Variants in IGSF1 observed in about 807,000 individuals in gnomAD.
IGSF1 encodes the protein immunoglobulin superfamily member 1.
A neutral mutation model predicts 95.3 loss-of-function variants in IGSF1; 40 were observed. The observed-to-expected ratio is 0.42, with a 90% CI of 0.33 to 0.55. IGSF1 has a LOEUF of 0.55. Ranked by LOEUF, IGSF1 falls within the 20% of genes least tolerant of loss-of-function variation. The pLI is 0.10. For synonymous variants in IGSF1, 372 were observed against 382.9 expected, an observed-to-expected ratio of 0.97 and a Z score of 0.33; for missense variants, 906 against 1,025.4, an observed-to-expected ratio of 0.88 and a Z score of 1.59.
upstream of IGSF1, chrX:131,289,389 G>A (rs1218369751): frequency 5.7e-6 from 2 of 351,915 alleles, no homozygotes; most frequent in Admixed American, 5.3e-5. Context: ...TCCCTGCGCC[G>A]GGCTCGGGGA....
chrX:131,278,550 G>A lies in IGSF1; in HGVS notation c.1952C>T (p.Thr651Ile), dbSNP rs759498373. 3.3e-6 allele frequency: 4 copies of A among 1,211,275 alleles called. No homozygotes were observed. Among genetic ancestry groups the A allele is most frequent in the Admixed American group, 4.3e-5 (2 of 46,103 alleles). ...GTGGTAGCTCCCGGTGTGGCTCTGGGTCAGGGCGCCAAGGGGGAAGGCAGC... is the reference window on the plus strand; with the variant it reads ...GTGGTAGCTCCCGGTGTGGCTCTGGATCAGGGCGCCAAGGGGGAAGGCAGC... ...VRAAFPLGAL[T>I]QSHTGSYHCH... The change falls in exon 12 of 20, where the codon ACC becomes ATC. Residue 651 changes from threonine to isoleucine, a missense_variant. Physicochemically the swap from Thr to Ile is moderately conservative, Grantham distance 89. Transcript: ENST00000361420.
chrX:131,288,269 C>T (rs1276783030), intron 1 of IGSF1, among the ~76,000 whole-genome samples: 1 of 112,165 alleles, frequency 8.9e-6, no homozygotes, highest in African/African-American at 3.2e-5. Flanking sequence ...ACATAGTGAA[C>T]ATTACATTTT....
At position 131,275,163 on chromosome X, in the gene IGSF1, GCCCCC is replaced by G; in HGVS notation, c.3303_3307del (p.Glu1101AspfsTer16). The stretch of plus-strand genomic sequence containing the variant: ...CCTCTGTTGCTCTAAAGGCTCCTGA[GCCCCC>G]TCCTTCAACAGGACAAATGTTGAGT... On this transcript the variant is annotated frameshift_variant, in exon 17 of 20. Coordinates refer to ENST00000361420, the MANE Select transcript of IGSF1 (RefSeq NM_001555.5). The G allele has an allele frequency of 8.3e-7, 1 of 1,211,714 alleles. No individual in the cohort carries two copies.
intron 3 of IGSF1, among the ~76,000 whole-genome samples, 166 bp downstream of exon 3, chrX:131,286,271 C>G (rs1298401420): frequency 9.0e-6 from 1 of 111,211 alleles, no homozygotes; most frequent in Non-Finnish European, 1.9e-5. Flanking sequence ...TCTTTTCCAT[C>G]TGAGATAAAG....
chrX:131,286,055 T>C lies in IGSF1; in HGVS notation c.98-7A>G. ...TCTGGTTGAGGGTCCATCACTGTTA[T>C]TCCCAAAGATCAAAAAGATATGAGC... On this transcript the variant is annotated splice_region_variant and splice_polypyrimidine_tract_variant and intron_variant, in intron 3 of 19. Coordinates refer to ENST00000361420, the MANE Select transcript of IGSF1 (RefSeq NM_001555.5). 1.7e-6 allele frequency: 2 copies of C among 1,183,140 alleles called. No individual in the cohort carries two copies. The highest frequency in any genetic ancestry group is 2.3e-6 in the Non-Finnish European group (2 of 877,891).
At chrX:131,286,146 C>G in intron 3 of IGSF1, 98 bp from the exon 4 acceptor site, 1 of 811,847 alleles carries the variant, frequency 1.2e-6, no homozygotes, top group Non-Finnish European at 1.8e-6. Flanking sequence ...GGACCCAGAT[C>G]CCTCATTTTG....
chrX:131,277,835 C>T, intron 13 of IGSF1, 21 bp downstream of exon 13: 2 of 1,200,858 alleles, frequency 1.7e-6, no homozygotes, highest in Non-Finnish European at 2.3e-6. Context: ...CCCTTTCCTC[C>T]CACACCCTTT....
intron 9 of IGSF1, among the ~76,000 whole-genome samples, chrX:131,279,790 GTGGCAGTAT>G (rs1217021629): frequency 2.7e-5 from 3 of 111,796 alleles, no homozygotes; most frequent in African/African-American, 6.5e-5. Flanking sequence ...AGCAGTTGTT[GTGGCAGTAT>G]TGGTCCTCAG....
intron 19 of IGSF1, 34 bp from the exon 20 acceptor site, chrX:131,273,965 C>T (rs1446642063): frequency 8.3e-7 from 1 of 1,203,082 alleles, no homozygotes; most frequent in African/African-American, 1.8e-5. Context: ...TAAGGGAGGA[C>T]CCAGAAACTG....
intron 12 of IGSF1, 31 bp downstream of exon 12, chrX:131,278,430 T>C (rs953259434): frequency 1.8e-6 from 2 of 1,142,487 alleles, no homozygotes; most frequent in Non-Finnish European, 2.3e-6. Context: ...GCACTGGGGA[T>C]AACTCCCGGA....
chrX:131,273,692 C>G lies in IGSF1; in HGVS notation c.*104G>C. On this transcript the variant is annotated 3_prime_UTR_variant, in exon 20 of 20. Transcript: ENST00000361420. ...TTTACCCAGCTCAGGTGATTAGAGA[C>G]CAAGGAACAGCAGATGGGGCTGACT... 2.4e-6 allele frequency: 2 copies of G among 826,183 alleles called. No individual in the cohort carries two copies. Among genetic ancestry groups the G allele is most frequent in the Non-Finnish European group, 3.5e-6 (2 of 574,066 alleles). The allele number at this position is 826,183 out of a possible 1,213,427, so 68.1% of individuals were successfully genotyped here. A position where few individuals can be genotyped will look rare whatever the true frequency, so the allele number is the denominator to read the frequency against.
rs755317132 is a variant in IGSF1, at chrX:131,276,195, C to T, written c.2662G>A (p.Gly888Arg). The T allele has an allele frequency of 4.1e-6, 5 of 1,208,707 alleles. No individual in the cohort carries two copies. In the African/African-American group the frequency reaches 7.0e-5, roughly 17 times the overall value. Residue 888 changes from glycine (G) to arginine (R), a missense_variant, in exon 15 of 20, where the codon GGG becomes AGG. By Grantham distance (125) the Gly-to-Arg change is moderately radical. Around this residue, in one of 5 missense-constraint regions of IGSF1, gnomAD observed 411 missense variants for 494.9 expected, o/e 0.83. Coordinates refer to ENST00000361420, the MANE Select transcript of IGSF1 (RefSeq NM_001555.5). Reference sequence around the variant, plus strand: ...TGGCAGCGCAGGATCACACTCTTCCCAGGAAACACCACAGGACCTGGCTGT... The same window carrying T: ...TGGCAGCGCAGGATCACACTCTTCCTAGGAAACACCACAGGACCTGGCTGT... ...LAQPGPVVFP[G>R]KSVILRCQGT...
intron 13 of IGSF1, 111 bp downstream of exon 13, chrX:131,277,745 G>A: frequency 1.1e-6 from 1 of 875,657 alleles, no homozygotes. Flanking sequence ...ATTGGACACA[G>A]GCTCTCAGGA....
At chrX:131,274,489 T>A in intron 18 of IGSF1, 110 bp downstream of exon 18, 1 of 839,299 alleles carries the variant, frequency 1.2e-6, no homozygotes. Flanking sequence ...ACACTTCAGG[T>A]CCCTGGCTCC....
At chrX:131,285,638 C>G in intron 4 of IGSF1, 129 bp downstream of exon 4, 2 of 835,978 alleles carry the variant, frequency 2.4e-6, no homozygotes, top group Non-Finnish European at 3.4e-6. Context: ...TTGCCCAATA[C>G]AAAGTAGGCC....
chrX:131,288,623 C>T (rs1309219874), intron 1 of IGSF1, among the ~76,000 whole-genome samples: 1 of 111,256 alleles, frequency 9.0e-6, no homozygotes, highest in Non-Finnish European at 1.9e-5. Flanking sequence ...GCATGGCTGA[C>T]CCCTCCTCAA....
chrX:131,283,481 T>C, intron 5 of IGSF1, among the ~76,000 whole-genome samples: 1 of 112,240 alleles, frequency 8.9e-6, no homozygotes, highest in Non-Finnish European at 1.9e-5. Context: ...CACTGAGCTC[T>C]AACCATGTGT....
Position 131,281,811 on chromosome X carries a change from G to A in IGSF1, c.1380C>T (p.Phe460=). The part of the protein sequence containing the change: ...FSLEWEERET[F]QKFSVNGDFI... The stretch of plus-strand genomic sequence containing the variant: ...AGTCTCCGTTTACTGAGAATTTTTG[G>A]AATGTTTCTCTTTCTTCCCATTCCA... Residue 460 remains phenylalanine (F), a synonymous_variant, in exon 8 of 20, where the codon TTC becomes TTT. Coordinates refer to ENST00000361420, the MANE Select transcript of IGSF1 (RefSeq NM_001555.5). 1 of 1,211,099 alleles carries A rather than the reference G, an allele frequency of 8.3e-7. No individual in the cohort carries two copies. The highest frequency in any genetic ancestry group is 1.1e-6 in the Non-Finnish European group (1 of 895,074).
At chrX:131,276,677 A>T (rs1230628862) in intron 14 of IGSF1, among the ~76,000 whole-genome samples, 2 of 111,407 alleles carry the variant, frequency 1.8e-5, no homozygotes, top group African/African-American at 6.5e-5. Flanking sequence ...AGTTGAACCG[A>T]GCTCTTGGGA....
Sources: gnomAD v4.1 joint callset for allele counts (sites outside exome capture counted in the v4.1 genomes callset) on GRCh38, gnomAD v4.1.1 for gene constraint, gnomAD v4.1.1 regional missense constraint, MANE v1.5 for transcripts, NCBI Gene and HGNC (gene_info 2026-07-23, HGNC 2026-07-21) for gene names.